The following KIF19 variants were observed in gnomAD, a reference collection of about 807,000 sequenced individuals.
The protein encoded by KIF19 is kinesin family member 19.
A neutral mutation model predicts 106.6 loss-of-function variants in KIF19; 98 were observed. That is an observed-to-expected ratio of 0.92 (90% CI 0.78 to 1.09). KIF19 has a LOEUF of 1.09. Among genes scored for constraint, KIF19 ranks in the 50% least tolerant of loss-of-function variants. KIF19 has a pLI of 0.00. For synonymous variants in KIF19, 516 were observed against 584.2 expected, an observed-to-expected ratio of 0.88 and a Z score of 1.68; for missense variants, 1,373 against 1,414.3, an observed-to-expected ratio of 0.97 and a Z score of 0.47.
Position 74,342,874 on chromosome 17 carries a change from C to T in KIF19, c.320-150C>T, listed in dbSNP as rs547242562. 5.4e-5 allele frequency: 63 copies of T among 1,174,394 alleles called. No individual in the cohort carries two copies. In the East Asian group the frequency reaches 1.3e-3, roughly 24 times the overall value. 72.7% of individuals were successfully genotyped at this position (1,174,394 alleles called of 1,614,324 possible). ...CAGCCCCAGAGGCCCCAACCCGAGC[C>T]GGGGCATCATCCTCCCCACTCCCCA... On this transcript the variant is annotated intron_variant, in intron 4 of 19. Coordinates refer to ENST00000389916, the MANE Select transcript of KIF19 (RefSeq NM_153209.4).
Position 74,353,218 on chromosome 17 carries a change from G to T in KIF19, c.2137G>T (p.Ala713Ser). 1 of 1,588,110 alleles carries T rather than the reference G, an allele frequency of 6.3e-7. No individual in the cohort carries two copies. Among genetic ancestry groups the T allele is most frequent in the Non-Finnish European group, 8.6e-7 (1 of 1,167,576 alleles). Reference protein sequence around the residue: ...TESEGHHVFKAGTGAWQAKSS... With the variant: ...TESEGHHVFKSGTGAWQAKSS... ...CAGTGAAGGCCACCACGTGTTCAAGGCTGGTACTGGGGCCTGGCAGGCAAA... is the reference window on the plus strand; with the variant it reads ...CAGTGAAGGCCACCACGTGTTCAAGTCTGGTACTGGGGCCTGGCAGGCAAA... The change falls in exon 16 of 20, where the codon GCT becomes TCT. Residue 713 changes from alanine to serine, a missense_variant. Coordinates refer to ENST00000389916, the MANE Select transcript of KIF19 (RefSeq NM_153209.4).
At chr17:74,343,235 C>A in intron 5 of KIF19, 75 bp downstream of exon 5, 4 of 1,453,318 alleles carry the variant, frequency 2.8e-6, no homozygotes, top group Non-Finnish European at 1.9e-6. Flanking sequence ...CTTCCCGGGG[C>A]GCTCATCACT....
At chr17:74,347,356 G>A (rs2054562109) in intron 8 of KIF19, among the ~76,000 whole-genome samples, 1 of 152,108 alleles carries the variant, frequency 6.6e-6, no homozygotes, top group African/African-American at 2.4e-5. Flanking sequence ...GGCCACCATG[G>A]TGAAACCCCA....
chr17:74,333,970 C>A (rs1320709499), intron 2 of KIF19, among the ~76,000 whole-genome samples: 1 of 151,280 alleles, frequency 6.6e-6, no homozygotes, highest in African/African-American at 2.4e-5. Context: ...ACTATAGGCA[C>A]ATGCCACAGT....
chr17:74,341,402 C>G (rs1047891837), intron 2 of KIF19, among the ~76,000 whole-genome samples: 24 of 152,214 alleles, frequency 1.6e-4, no homozygotes, highest in Admixed American at 4.6e-4. Context: ...CAGATGCTGC[C>G]CGTTCTTCTG....
Position 74,346,542 on chromosome 17 carries a change from G to A in KIF19, c.924+18G>A, listed in dbSNP as rs2054536622. 1 of 1,548,962 alleles carries A rather than the reference G, an allele frequency of 6.5e-7. No individual in the cohort carries two copies. Among genetic ancestry groups the A allele is most frequent in the Non-Finnish European group, 8.7e-7 (1 of 1,145,216 alleles). Reference sequence around the variant, plus strand: ...TCCTGAAGGTACCAGCCACAGCTGGGCCTGGGCACTGGGCACCAAGGGTGA... The same window carrying A: ...TCCTGAAGGTACCAGCCACAGCTGGACCTGGGCACTGGGCACCAAGGGTGA... On this transcript the variant is annotated intron_variant, in intron 8 of 19. Coordinates refer to ENST00000389916, the MANE Select transcript of KIF19 (RefSeq NM_153209.4). This position sits in a 1 kb window ranked among gnomAD's most constrained non-coding sequence, Gnocchi z 4.6.
intron 2 of KIF19, among the ~76,000 whole-genome samples, chr17:74,336,812 C>T (rs975813077): frequency 6.6e-6 from 1 of 152,084 alleles, no homozygotes; most frequent in African/African-American, 2.4e-5. Context: ...AGAGTGCCCT[C>T]TCTTTTTTTA....
chr17:74,350,122 C>A (rs527792371), intron 10 of KIF19, among the ~76,000 whole-genome samples: 36 of 152,154 alleles, frequency 2.4e-4, no homozygotes, highest in African/African-American at 4.6e-4. Flanking sequence ...TCTAGGGGCA[C>A]CTTTTTATAG....
In KIF19 at chr17:74,326,237, C is replaced by A; in HGVS notation, c.-113C>A. On this transcript the variant is annotated 5_prime_UTR_variant, in exon 1 of 20. Coordinates refer to ENST00000389916, the MANE Select transcript of KIF19 (RefSeq NM_153209.4). ...GCGTTGTTGGTTTCGGGTTGTCAGGCAGCGCGCGAGGCGGCGGGCAGCTAG... is the reference window on the plus strand; with the variant it reads ...GCGTTGTTGGTTTCGGGTTGTCAGGAAGCGCGCGAGGCGGCGGGCAGCTAG... 1.0e-6 allele frequency: 1 copy of A among 983,142 alleles called. No homozygotes were observed. Among genetic ancestry groups the A allele is most frequent in the Non-Finnish European group, 1.5e-6 (1 of 683,212 alleles). 60.9% of individuals were successfully genotyped at this position (983,142 alleles called of 1,614,324 possible).
At position 74,347,802 on chromosome 17, in the gene KIF19, C is replaced by T; in HGVS notation, c.950C>T (p.Thr317Ile). The change falls in exon 9 of 20, where the codon ACA (threonine) becomes ATA (isoleucine). Residue 317 changes from threonine to isoleucine, a missense_variant. Physicochemically the swap from Thr to Ile is moderately conservative, Grantham distance 89 (BLOSUM62 -1). This residue lies in a region of KIF19 where 1,020 missense variants were observed against 1,008.2 expected (regional missense o/e 1.01). Transcript: ENST00000389916. ...LKDSLGGNSR[T>I]VMIAHISPAS... is the part of the protein sequence containing the mutation. ...GACTCTCTGGGAGGAAACAGCCGCA[C>T]AGTGATGATCGCTCACATCAGTCCT... is the stretch of plus-strand genomic sequence containing the variant. 6.3e-7 allele frequency: 1 copy of T among 1,588,882 alleles called. No individual in the cohort carries two copies. The highest frequency in any genetic ancestry group is 8.6e-7 in the Non-Finnish European group (1 of 1,168,120).
intron 2 of KIF19, among the ~76,000 whole-genome samples, chr17:74,335,165 G>A (rs967950368): frequency 6.6e-6 from 1 of 152,176 alleles, no homozygotes; most frequent in Non-Finnish European, 1.5e-5. Flanking sequence ...GGAACATTTG[G>A]CAGTGTCACA....
At chr17:74,354,621 T>C in intron 18 of KIF19, 62 bp downstream of exon 18, 1 of 1,546,842 alleles carries the variant, frequency 6.5e-7, no homozygotes, top group South Asian at 1.2e-5. Context: ...GCCTGAGGGC[T>C]GGATTTCTCC....
chr17:74,341,024 C>G (rs1364860701), intron 2 of KIF19, among the ~76,000 whole-genome samples: 2 of 152,184 alleles, frequency 1.3e-5, no homozygotes, highest in African/African-American at 4.8e-5. Context: ...AGCCTGGGGT[C>G]ATGGCTGGGG....
rs907018811 is a variant in KIF19, at chr17:74,346,253, C to T, written c.778-125C>T. On this transcript the variant is annotated intron_variant, in intron 7 of 19. Transcript: ENST00000389916. This position sits in a 1 kb window ranked among gnomAD's most constrained non-coding sequence, Gnocchi z 4.6. The stretch of plus-strand genomic sequence containing the variant: ...GCCCTCAGTGGCCTTGGCAGGAGGA[C>T]GGCCACAAGGTCCTTGGGGGTTTAT... The T allele has an allele frequency of 4.1e-5, 45 of 1,088,090 alleles. No individual in the cohort carries two copies. The highest frequency in any genetic ancestry group is 2.9e-4 in the South Asian group (18 of 62,448). The allele number at this position is 1,088,090 out of a possible 1,614,324, so 67.4% of individuals were successfully genotyped here.
intron 6 of KIF19, 25 bp from the exon 7 acceptor site, chr17:74,344,736 G>C: frequency 2.5e-6 from 4 of 1,591,656 alleles, no homozygotes; most frequent in Non-Finnish European, 3.4e-6. Context: ...GTCGCTAAGA[G>C]CTGCCTCTCC....
chr17:74,339,660 G>T (rs1441334011), intron 2 of KIF19, among the ~76,000 whole-genome samples: 1 of 148,620 alleles, frequency 6.7e-6, no homozygotes, highest in Non-Finnish European at 1.5e-5. Context: ...CACGGCCCCA[G>T]GGAGCATGCT....
chr17:74,342,408 C>G (rs1003714624), intron 3 of KIF19, among the ~76,000 whole-genome samples: 12 of 152,156 alleles, frequency 7.9e-5, no homozygotes, highest in Non-Finnish European at 1.5e-4. Flanking sequence ...GAGCCAGCTG[C>G]GCAGGAAGGC....
intron 2 of KIF19, among the ~76,000 whole-genome samples, chr17:74,333,551 G>A (rs766908828): frequency 6.6e-6 from 1 of 151,884 alleles, no homozygotes; most frequent in East Asian, 1.9e-4. Flanking sequence ...TAGTAGAGAC[G>A]GGTTTCCTCA....
At chr17:74,328,854 G>A (rs571192169) in intron 2 of KIF19, 6 of 170,918 alleles carry the variant, frequency 3.5e-5, no homozygotes, top group African/African-American at 7.1e-5. Context: ...AGGGTGTAAC[G>A]TGTGGCAAAA....
Sources: allele counts gnomAD v4.1 joint callset (sites outside exome capture counted in the v4.1 genomes callset), GRCh38; gene constraint gnomAD v4.1.1; regional missense constraint gnomAD v4.1.1; non-coding constraint Gnocchi (gnomAD v3.1); transcripts MANE v1.5; gene names NCBI Gene and HGNC (gene_info 2026-07-23, HGNC 2026-07-21).